Variants in SYNPO observed in about 807,000 individuals in gnomAD.
SYNPO encodes synaptopodin.
Under a neutral mutation model 49.5 loss-of-function variants are expected in SYNPO, and 19 were observed. That is an observed-to-expected ratio of 0.38 (90% CI 0.27 to 0.56). SYNPO has a LOEUF of 0.56. Ranked by LOEUF, SYNPO falls within the 20% of genes least tolerant of loss-of-function variation. The probability of loss-of-function intolerance (pLI) is 0.68; values close to 1 mark genes in which losing one functional copy is unlikely to be tolerated. For synonymous variants in SYNPO, 536 were observed against 548.0 expected (o/e 0.98, Z 0.31); for missense variants, 1,131 against 1,248.3 (o/e 0.91, Z 1.42).
Position 150,612,271 on chromosome 5 carries a change from C to T in SYNPO, c.-265-5832C>T, listed in dbSNP as rs1487039496. Reference sequence around the variant, plus strand: ...GCCATCTGAACCCGTTCAGAGTCACCTTTTCCTCAGGATGCCTCCGTTTTG... The same window carrying T: ...GCCATCTGAACCCGTTCAGAGTCACTTTTTCCTCAGGATGCCTCCGTTTTG... On this transcript the variant is annotated intron_variant, in intron 1 of 2. Transcript: ENST00000394243. 2.0e-5 allele frequency among the ~76,000 whole-genome samples: 3 copies of T among 152,334 alleles called. No individual in the cohort carries two copies. The East Asian group carries it at 5.8e-4, about 29-fold the overall frequency.
chr5:150,631,969 G>A lies in SYNPO; in HGVS notation c.400+13202G>A, dbSNP rs1445686462. ...GTCAGCTTGTGTCTGAATGAAGGCC[G>A]CCCCAGACCTACTTCCACTGCCTGT... is the stretch of plus-strand genomic sequence containing the variant. On this transcript the variant is annotated intron_variant, in intron 2 of 2. Transcript: ENST00000394243. Among the ~76,000 whole-genome samples, 56 of 152,100 alleles carry A rather than the reference G, an allele frequency of 3.7e-4. 1 individual carries two copies. The highest frequency in any genetic ancestry group is 1.2e-4 in the Non-Finnish European group (8 of 68,008).
intron 1 of SYNPO, among the ~76,000 whole-genome samples, chr5:150,605,568 C>T (rs1437136349): frequency 6.6e-6 from 1 of 152,104 alleles, no homozygotes; most frequent in African/African-American, 2.4e-5. Flanking sequence ...ACAGGGCCTC[C>T]TTCCCAGCTT....
At chr5:150,596,516 G>A (rs2151326811), upstream of SYNPO, among the ~76,000 whole-genome samples, 1 of 152,208 alleles carries the variant, frequency 6.6e-6, no homozygotes, top group African/African-American at 2.4e-5. Context: ...CCCCGCCCCT[G>A]CTCTGCTCAG....
chr5:150,596,884 C>T (rs1421274039), upstream of SYNPO, among the ~76,000 whole-genome samples: 1 of 152,196 alleles, frequency 6.6e-6, no homozygotes, highest in Non-Finnish European at 1.5e-5. Context: ...CCCACGGGCC[C>T]CATCATGTAC....
At chr5:150,597,320 GTTGTTTTGTT>G (rs570975954), upstream of SYNPO, among the ~76,000 whole-genome samples, 10 of 152,234 alleles carry the variant, frequency 6.6e-5, no homozygotes, top group East Asian at 3.9e-4. Context: ...ATTTGGTTTT[GTTGTTTTGTT>G]TTGTTTTGTT....
intron 1 of SYNPO, among the ~76,000 whole-genome samples, chr5:150,644,209 G>A (rs1412218168): frequency 6.6e-6 from 1 of 151,786 alleles, no homozygotes; most frequent in Non-Finnish European, 1.5e-5. Context: ...GTGAATGTAA[G>A]GAGGAACTTT....
At chr5:150,617,739 C>T (rs978776253) in intron 1 of SYNPO, 11 of 152,046 alleles carry the variant, frequency 7.2e-5, no homozygotes, top group East Asian at 3.9e-4. Context: ...TGTCTAGATA[C>T]GTGTTGTTAA....
intron 2 of SYNPO, among the ~76,000 whole-genome samples, chr5:150,634,096 A>T (rs1223232007): frequency 6.6e-6 from 1 of 152,196 alleles, no homozygotes; most frequent in African/African-American, 2.4e-5. Context: ...ACACTTAGTT[A>T]TAAGATCATG....
chr5:150,644,827 A>G (rs775917002), intron 1 of SYNPO, among the ~76,000 whole-genome samples: 20 of 152,202 alleles, frequency 1.3e-4, no homozygotes, highest in Non-Finnish European at 2.8e-4. Context: ...AGCCTGGCTA[A>G]TAGATGGCTA....
At chr5:150,654,868 G>A (rs1201226071) in intron 2 of SYNPO, among the ~76,000 whole-genome samples, 2 of 152,248 alleles carry the variant, frequency 1.3e-5, no homozygotes, top group African/African-American at 4.8e-5. Context: ...GCTCACGCCT[G>A]TAATCCCAGC....
intron 2 of SYNPO, among the ~76,000 whole-genome samples, chr5:150,629,602 C>T (rs150605034): frequency 2.0e-5 from 3 of 152,252 alleles, no homozygotes; most frequent in African/African-American, 7.2e-5. Context: ...GGATGAGCCC[C>T]TGGGACAGGA....
At chr5:150,636,723 C>G (rs1030293659), upstream of SYNPO, among the ~76,000 whole-genome samples, 5 of 144,192 alleles carry the variant, frequency 3.5e-5, no homozygotes, top group Middle Eastern at 3.3e-3. Context: ...GTGTCCTCCT[C>G]TGAGGGGGCC....
chr5:150,644,448 C>A (rs980760641), intron 1 of SYNPO, among the ~76,000 whole-genome samples: 10 of 152,236 alleles, frequency 6.6e-5, no homozygotes, highest in Admixed American at 3.9e-4. Flanking sequence ...GACCTTCAGT[C>A]AATCCCCTGT....
At chr5:150,628,053 T>C (rs1415157927) in intron 2 of SYNPO, among the ~76,000 whole-genome samples, 2 of 151,552 alleles carry the variant, frequency 1.3e-5, no homozygotes, top group Non-Finnish European at 2.9e-5. Flanking sequence ...TGTGTGTGTG[T>C]GTGTGTGTGT....
chr5:150,639,012 A>G (rs944204173), upstream of SYNPO, among the ~76,000 whole-genome samples: 11 of 152,198 alleles, frequency 7.2e-5, no homozygotes, highest in African/African-American at 2.7e-4. Context: ...AGTTTGCTGT[A>G]TACCTGGGGC....
intron 2 of SYNPO, chr5:150,651,014 C>T: frequency 8.1e-7 from 1 of 1,229,458 alleles, no homozygotes; most frequent in Non-Finnish European, 1.0e-6. Flanking sequence ...CCTCTGAGGC[C>T]TGGCTCTGTT....
rs143004615 is a variant in SYNPO at position 150,627,999 on chromosome 5, CGTGTGT to C, written c.400+9245_400+9250del. Reference sequence around the variant, plus strand: ...TGCAAAGTGGCTCTGCTAAGTTAGTCGTGTGTGTGTGTGTGTGTTTCTGTGTGTGTG... The same window carrying C: ...TGCAAAGTGGCTCTGCTAAGTTAGTCGTGTGTGTGTGTTTCTGTGTGTGTG... On this transcript the variant is annotated intron_variant, in intron 2 of 2. Coordinates refer to the SYNPO transcript ENST00000394243. Among the ~76,000 whole-genome samples the C allele has an allele frequency of 3.5e-4, 51 of 145,842 alleles. 1 individual carries two copies. The South Asian group carries it at 3.7e-3, about 11-fold the overall frequency.
At chr5:150,599,058 C>T (rs561487569), upstream of SYNPO, among the ~76,000 whole-genome samples, 1 of 152,202 alleles carries the variant, frequency 6.6e-6, no homozygotes, top group African/African-American at 2.4e-5. Context: ...CAGGTTACAC[C>T]GAGGGCCACC....
chr5:150,642,987 C>T (rs1220912876), intron 1 of SYNPO, among the ~76,000 whole-genome samples: 2 of 152,238 alleles, frequency 1.3e-5, no homozygotes, highest in African/African-American at 4.8e-5. Context: ...CTGACCTCTT[C>T]CTTGGCTGGG....
Sources: allele counts gnomAD v4.1 joint callset (sites outside exome capture counted in the v4.1 genomes callset), GRCh38; gene constraint gnomAD v4.1.1; transcripts MANE v1.5; gene names NCBI Gene and HGNC (gene_info 2026-07-23, HGNC 2026-07-21).